The following EFHD1 variants were observed in gnomAD, a reference collection of about 807,000 sequenced individuals.
EFHD1 encodes the protein EF-hand domain family member D1, also known as EF-hand domain-containing protein D1.
EFHD1 carries 10 observed loss-of-function variants against 17.2 expected under a neutral mutation model. The observed-to-expected ratio is 0.58, with a 90% CI of 0.36 to 0.99. EFHD1 has a LOEUF of 0.99. Ranked by LOEUF, EFHD1 falls within the 50% of genes least tolerant of loss-of-function variation. The pLI is 0.01. For missense variants in EFHD1, 310 were observed against 327.5 expected (o/e 0.95, Z 0.41); for synonymous variants, 153 against 142.0 (o/e 1.08, Z -0.55).
Position 232,681,898 on chromosome 2 carries a change from GTCCT to G in EFHD1, c.*180_*183del, listed in dbSNP as rs1695291125. 4.1e-5 allele frequency: 41 copies of G among 1,002,688 alleles called. No homozygotes were observed. The highest frequency in any genetic ancestry group is 5.2e-5 in the Non-Finnish European group (37 of 718,036). 62.1% of individuals were successfully genotyped at this position (1,002,688 alleles called of 1,614,324 possible). ...CCAGTGTCCAAGCCCCTCCAGGAGG[GTCCT>G]GGGGTGGGCCAGATGCCTGCCCACC... is the stretch of plus-strand genomic sequence containing the variant. On this transcript the variant is annotated 3_prime_UTR_variant, in exon 4 of 4. Coordinates refer to ENST00000264059, the MANE Select transcript of EFHD1 (RefSeq NM_025202.4).
intron 1 of EFHD1, among the ~76,000 whole-genome samples, chr2:232,656,281 G>A (rs148360531): frequency 1.3e-3 from 194 of 152,076 alleles, no homozygotes; most frequent in African/African-American, 3.9e-3. Flanking sequence ...GATTTATTTC[G>A]CCCATGAGTT....
At chr2:232,628,666 C>A (rs1419519549), upstream of EFHD1, among the ~76,000 whole-genome samples, 2 of 152,130 alleles carry the variant, frequency 1.3e-5, no homozygotes, top group African/African-American at 4.8e-5. Flanking sequence ...GGACTCAATT[C>A]CGCAGGGATT....
In EFHD1 at chr2:232,681,572, T is replaced by C. The variant is rs954329165; in HGVS notation, c.586-13T>C. 1 of 1,613,532 alleles carries C rather than the reference T, an allele frequency of 6.2e-7. No homozygotes were observed. The highest frequency in any genetic ancestry group is 8.5e-7 in the Non-Finnish European group (1 of 1,179,698). On this transcript the variant is annotated splice_polypyrimidine_tract_variant and intron_variant, in intron 3 of 3. Transcript: ENST00000264059. ...CCTTACTCGTTTGGTCTATGTCTGCTATTTCTCTGCAGGTCCAAGCCTTGT... is the reference window on the plus strand; with the variant it reads ...CCTTACTCGTTTGGTCTATGTCTGCCATTTCTCTGCAGGTCCAAGCCTTGT...
At chr2:232,625,303 A>AT (rs3085874) in intron 1 of EFHD1, among the ~76,000 whole-genome samples, 40,189 of 141,808 alleles carry the variant, frequency 0.28, 6,520 homozygotes, top group Middle Eastern at 0.41. Context: ...TAATTTAAAC[A>AT]TTTTTTTTTT....
At chr2:232,606,756 G>A (rs1294917914) in intron 1 of EFHD1, 1 of 152,068 alleles carries the variant, frequency 6.6e-6, no homozygotes, top group African/African-American at 2.4e-5. Context: ...CGGGCGTGGT[G>A]GCGGGCGCCT....
intron 1 of EFHD1, among the ~76,000 whole-genome samples, 165 bp downstream of exon 1, chr2:232,634,171 G>A (rs544386081): frequency 8.0e-4 from 122 of 152,290 alleles, no homozygotes; most frequent in African/African-American, 2.7e-3. Flanking sequence ...ATCTCGGCGC[G>A]GTGGGGGACG....
chr2:232,634,898 C>A (rs574621451), intron 1 of EFHD1, among the ~76,000 whole-genome samples: 1 of 152,210 alleles, frequency 6.6e-6, no homozygotes, highest in Admixed American at 6.5e-5. Context: ...CCTGGGGGAG[C>A]TGAGGCCGCC....
intron 1 of EFHD1, among the ~76,000 whole-genome samples, chr2:232,627,383 C>T (rs1445968957): frequency 6.6e-6 from 1 of 151,974 alleles, no homozygotes; most frequent in East Asian, 1.9e-4. Flanking sequence ...TTTTCTGAAA[C>T]AGAGTACGTA....
At chr2:232,620,707 A>T (rs552753768) in intron 1 of EFHD1, among the ~76,000 whole-genome samples, 26 of 152,200 alleles carry the variant, frequency 1.7e-4, no homozygotes, top group African/African-American at 6.3e-4. Context: ...CTTGAAATAC[A>T]TTTTCTTGGA....
chr2:232,637,623 C>T (rs865779936), intron 1 of EFHD1, among the ~76,000 whole-genome samples: 5 of 152,054 alleles, frequency 3.3e-5, no homozygotes, highest in Non-Finnish European at 5.9e-5. Context: ...GGATTACAGG[C>T]GTGAGCCACC....
chr2:232,642,060 G>A (rs1322436686), intron 1 of EFHD1, among the ~76,000 whole-genome samples: 1 of 152,146 alleles, frequency 6.6e-6, no homozygotes, highest in Non-Finnish European at 1.5e-5. Context: ...GGTGGTCCAT[G>A]GTGTGTTTGA....
Position 232,673,907 on chromosome 2 carries a change from CT to C in EFHD1, c.585+1483del, listed in dbSNP as rs11409819. ...AGAATTCTACCTCTTAAGACTTCTT[CT>C]TTTTTTTTTTTTTTTTTTGAGATTG... On this transcript the variant is annotated intron_variant, in intron 3 of 3. Coordinates refer to ENST00000264059, the MANE Select transcript of EFHD1 (RefSeq NM_025202.4). Among the ~76,000 whole-genome samples the C allele has an allele frequency of 7.1e-3, 853 of 119,968 alleles. 6 individuals carry two copies. The highest frequency in any genetic ancestry group is 0.022 in the African/African-American group (722 of 33,308). 78.7% of individuals were successfully genotyped at this position (119,968 alleles called of 152,430 possible).
intron 1 of EFHD1, among the ~76,000 whole-genome samples, chr2:232,659,178 C>T (rs1694814592): frequency 6.6e-6 from 1 of 152,086 alleles, no homozygotes; most frequent in South Asian, 2.1e-4. Context: ...ACCCAGCGAT[C>T]TTGTCTGTGT....
chr2:232,649,246 G>A (rs149265156), intron 1 of EFHD1, among the ~76,000 whole-genome samples: 2 of 152,298 alleles, frequency 1.3e-5, no homozygotes, highest in African/African-American at 4.8e-5. Context: ...GTCACCTCGG[G>A]CCCTTTGGCG....
intron 2 of EFHD1, among the ~76,000 whole-genome samples, chr2:232,666,024 G>A (rs149023876): frequency 8.2e-4 from 125 of 152,344 alleles, no homozygotes; most frequent in Non-Finnish European, 1.4e-3. Flanking sequence ...TGGGTCAAGC[G>A]TTGGTCTGTC....
At chr2:232,618,630 A>G (rs1405035474) in intron 1 of EFHD1, among the ~76,000 whole-genome samples, 5 of 151,142 alleles carry the variant, frequency 3.3e-5, no homozygotes, top group Admixed American at 6.6e-5. Flanking sequence ...GGCTGAGGTA[A>G]GAGGATTGCT....
intron 1 of EFHD1, among the ~76,000 whole-genome samples, chr2:232,652,729 T>C (rs1694682463): frequency 1.3e-5 from 2 of 152,128 alleles, no homozygotes; most frequent in Admixed American, 1.3e-4. Flanking sequence ...GGAACCCTGC[T>C]GTGTGCAGTT....
At chr2:232,638,415 C>T (rs571874636) in intron 1 of EFHD1, 12 of 471,116 alleles carry the variant, frequency 2.5e-5, no homozygotes, top group Non-Finnish European at 4.0e-5. Flanking sequence ...GAATCTGAAA[C>T]GGTGATGTCA....
intron 3 of EFHD1, among the ~76,000 whole-genome samples, chr2:232,673,003 C>T (rs982838072): frequency 6.6e-5 from 10 of 152,194 alleles, no homozygotes; most frequent in African/African-American, 1.9e-4. Flanking sequence ...CCACTCATTG[C>T]GCCTTAAACA....
Sources: allele counts gnomAD v4.1 joint callset (sites outside exome capture counted in the v4.1 genomes callset), GRCh38; gene constraint gnomAD v4.1.1; transcripts MANE v1.5; gene names NCBI Gene and HGNC (gene_info 2026-07-23, HGNC 2026-07-21).